The following RBPMS2 variants were observed in gnomAD, a reference collection of about 807,000 sequenced individuals.
RBPMS2 encodes the protein RNA-binding protein with multiple splicing 2.
A neutral mutation model predicts 25.7 loss-of-function variants in RBPMS2; 14 were observed. The observed-to-expected ratio is 0.55, with a 90% CI of 0.36 to 0.85. The LOEUF is 0.85. Ranked by LOEUF, RBPMS2 falls within the 40% of genes least tolerant of loss-of-function variation. The probability of loss-of-function intolerance (pLI) is 0.01; values close to 1 mark genes in which losing one functional copy is unlikely to be tolerated. For synonymous variants in RBPMS2, 127 were observed against 115.6 expected, an observed-to-expected ratio of 1.10 and a Z score of -0.63; for missense variants, 252 against 283.4, an observed-to-expected ratio of 0.89 and a Z score of 0.80.
At chr15:64,763,486 G>A (rs182022461) in intron 1 of RBPMS2, among the ~76,000 whole-genome samples, 1 of 152,168 alleles carries the variant, frequency 6.6e-6, no homozygotes, top group Non-Finnish European at 1.5e-5. Flanking sequence ...GGTTCAGGTG[G>A]GATCTGGTGT....
At chr15:64,753,479 C>T (rs1359986453) in intron 1 of RBPMS2, among the ~76,000 whole-genome samples, 2 of 152,172 alleles carry the variant, frequency 1.3e-5, no homozygotes, top group Non-Finnish European at 2.9e-5. Flanking sequence ...GAGAACTCAA[C>T]AGAGCCAAGA....
At chr15:64,773,713 G>T (rs985162101) in intron 1 of RBPMS2, among the ~76,000 whole-genome samples, 5 of 152,048 alleles carry the variant, frequency 3.3e-5, no homozygotes, top group African/African-American at 1.2e-4. Flanking sequence ...GGGGTTCTGG[G>T]TCCCCATTCA....
chr15:64,769,315 T>C (rs2083874562), intron 1 of RBPMS2, among the ~76,000 whole-genome samples: 1 of 150,208 alleles, frequency 6.7e-6, no homozygotes, highest in South Asian at 2.1e-4. Context: ...ATCCCCCTAC[T>C]TGGGAGGCTG....
chr15:64,749,521 A>T (rs778932712), intron 3 of RBPMS2, 28 bp from the exon 4 acceptor site: 4 of 1,580,206 alleles, frequency 2.5e-6, no homozygotes, highest in South Asian at 2.2e-5. Flanking sequence ...GAACACCCTT[A>T]TATCTCTCCT....
At chr15:64,745,518 G>T (rs1286846748) in intron 6 of RBPMS2, among the ~76,000 whole-genome samples, 1 of 152,148 alleles carries the variant, frequency 6.6e-6, no homozygotes, top group Non-Finnish European at 1.5e-5. Context: ...CAGTTTAAGG[G>T]GGAGAAAAAA....
chr15:64,773,931 C>G (rs2083909473), intron 1 of RBPMS2, among the ~76,000 whole-genome samples: 1 of 152,236 alleles, frequency 6.6e-6, no homozygotes, highest in Non-Finnish European at 1.5e-5. Context: ...GGAGCCCAAA[C>G]AAATCCACCA....
chr15:64,767,565 C>A (rs2083858048), intron 1 of RBPMS2, among the ~76,000 whole-genome samples: 1 of 152,216 alleles, frequency 6.6e-6, no homozygotes, highest in Non-Finnish European at 1.5e-5. Context: ...AGCATGAGAG[C>A]CAAGCAAAGG....
chr15:64,767,370 G>C (rs2083856217), intron 1 of RBPMS2, among the ~76,000 whole-genome samples: 1 of 152,216 alleles, frequency 6.6e-6, no homozygotes, highest in Non-Finnish European at 1.5e-5. Context: ...GGAAGACAGA[G>C]GAAGTGACGT....
chr15:64,748,145 G>A (rs142010972), intron 6 of RBPMS2, among the ~76,000 whole-genome samples: 18 of 152,268 alleles, frequency 1.2e-4, no homozygotes, highest in Middle Eastern at 3.4e-3. Flanking sequence ...GAACATAGTC[G>A]GTGCCTGGGC....
intron 1 of RBPMS2, among the ~76,000 whole-genome samples, chr15:64,766,901 G>T (rs1265868232): frequency 6.6e-6 from 1 of 151,432 alleles, no homozygotes. Context: ...CTCCTGCCTC[G>T]GCCTCCTGAG....
At position 64,749,369 on chromosome 15, in the gene RBPMS2, T is replaced by G. The variant is rs968050909; in HGVS notation, c.267+62A>C. On this transcript the variant is annotated intron_variant, in intron 4 of 7. Transcript: ENST00000300069. The stretch of plus-strand genomic sequence containing the variant: ...AGGGATGGCCGGGAAATAAGATACA[T>G]CTGCACACCCACTGCCTAAGAGGGC... The G allele has an allele frequency of 1.1e-5, 16 of 1,468,352 alleles. No individual in the cohort carries two copies. In the Admixed American group the frequency reaches 2.5e-4, roughly 23 times the overall value. 91.0% of individuals were successfully genotyped at this position (1,468,352 alleles called of 1,614,324 possible).
chr15:64,766,935 G>C (rs1000542232), intron 1 of RBPMS2, among the ~76,000 whole-genome samples: 3 of 151,624 alleles, frequency 2.0e-5, no homozygotes, highest in Non-Finnish European at 2.9e-5. Context: ...AGGTGCTCAC[G>C]GCCACACCCA....
intron 1 of RBPMS2, among the ~76,000 whole-genome samples, chr15:64,771,740 A>G (rs1273633597): frequency 6.6e-6 from 1 of 151,956 alleles, no homozygotes; most frequent in Non-Finnish European, 1.5e-5. Flanking sequence ...TGGGCAGGTC[A>G]CCTGAGGACA....
chr15:64,751,670 C>A (rs1253641480), intron 1 of RBPMS2, 32 bp from the exon 2 acceptor site: 4 of 1,583,036 alleles, frequency 2.5e-6, no homozygotes, highest in Non-Finnish European at 3.5e-6. Flanking sequence ...CAGGGCCAGG[C>A]TGCCCAAGAC....
At chr15:64,772,978 T>C (rs746708699) in intron 1 of RBPMS2, among the ~76,000 whole-genome samples, 9 of 152,160 alleles carry the variant, frequency 5.9e-5, no homozygotes, top group South Asian at 2.1e-4. Context: ...GCAACCTCAC[T>C]GATAACTCCC....
Position 64,764,287 on chromosome 15 carries a change from G to A in RBPMS2, c.87+10946C>T, listed in dbSNP as rs574030427. 3.9e-5 allele frequency among the ~76,000 whole-genome samples: 6 copies of A among 152,290 alleles called. No homozygotes were observed. The East Asian group carries it at 1.2e-3, about 29-fold the overall frequency. On this transcript the variant is annotated intron_variant, in intron 1 of 7. Coordinates refer to ENST00000300069, the MANE Select transcript of RBPMS2 (RefSeq NM_194272.3). The stretch of plus-strand genomic sequence containing the variant: ...CGCCACTGCCATACAATACCCTACA[G>A]AAGGGACTAGATTCAAGGCATTGGG...
intron 6 of RBPMS2, among the ~76,000 whole-genome samples, chr15:64,743,281 G>A (rs143466380): frequency 2.6e-5 from 4 of 152,340 alleles, no homozygotes; most frequent in East Asian, 1.9e-4. Context: ...GCCTAAGGCC[G>A]CCCTCAGCAT....
intron 1 of RBPMS2, among the ~76,000 whole-genome samples, chr15:64,769,100 CAAAAAAA>C (rs1167404963): frequency 1.6e-3 from 43 of 27,686 alleles, no homozygotes; most frequent in East Asian, 0.011. Context: ...GACTTCGTCT[CAAAAAAA>C]AAAAAAAAAA....
At chr15:64,770,436 GGT>G (rs1328607754) in intron 1 of RBPMS2, among the ~76,000 whole-genome samples, 1 of 152,176 alleles carries the variant, frequency 6.6e-6, no homozygotes, top group East Asian at 1.9e-4. Flanking sequence ...GAGTTAAAAT[GGT>G]GCAGAACATA....
Sources: allele counts gnomAD v4.1 joint callset (sites outside exome capture counted in the v4.1 genomes callset), GRCh38; gene constraint gnomAD v4.1.1; transcripts MANE v1.5; gene names NCBI Gene and HGNC (gene_info 2026-07-23, HGNC 2026-07-21).